Variants in INSL6 observed in about 807,000 individuals in gnomAD.
The protein encoded by INSL6 is insulin like 6.
A neutral mutation model predicts 9.4 loss-of-function variants in INSL6; 16 were observed. The observed-to-expected ratio is 1.70, with a 90% CI of 1.15 to 2.59. INSL6 has a LOEUF of 2.59. Among genes scored for constraint, INSL6 ranks in the 30% most tolerant of loss-of-function variants. INSL6 has a pLI of 0.00. For synonymous variants in INSL6, 154 were observed against 96.9 expected, an observed-to-expected ratio of 1.59 and a Z score of -3.46; for missense variants, 391 against 257.3, an observed-to-expected ratio of 1.52 and a Z score of -3.56.
the INSL6 span, chr9:5,054,938 A>G: frequency 7.6e-7 from 1 of 1,307,830 alleles, no homozygotes; most frequent in Non-Finnish European, 1.1e-6. This position sits in a 1 kb window ranked among gnomAD's most constrained non-coding sequence, Gnocchi z 4.9. Flanking sequence ...CAATGGAAAT[A>G]AAAACAAAGT....
chr9:5,126,322 G>A (rs779522337), intron 3 of INSL6: 2 of 1,553,726 alleles, frequency 1.3e-6, no homozygotes, highest in Non-Finnish European at 1.8e-6. Flanking sequence ...TTGAAAGTGG[G>A]TTTGTTTTAG....
At chr9:5,112,451 A>G in the INSL6 span, 5 of 534,958 alleles carry the variant, frequency 9.3e-6, no homozygotes, top group Admixed American at 2.8e-5. Flanking sequence ...GAGAAGAAGG[A>G]GCTGAAGGAC....
chr9:5,120,210 G>A (rs902850709), downstream of INSL6, among the ~76,000 whole-genome samples: 6 of 152,286 alleles, frequency 3.9e-5, no homozygotes, highest in South Asian at 4.1e-4. Context: ...GTGGAAGGGC[G>A]AGAGGGGCCA....
At chr9:5,083,861 G>C in the INSL6 span, among the ~76,000 whole-genome samples, 21 of 152,070 alleles carry the variant, frequency 1.4e-4, no homozygotes, top group Non-Finnish European at 1.8e-4. Context: ...CGTTCCATTT[G>C]TTGTAGTCTC....
intron 2 of INSL6, among the ~76,000 whole-genome samples, chr9:5,145,087 G>T (rs1824574686): frequency 1.3e-5 from 2 of 152,158 alleles, no homozygotes; most frequent in South Asian, 4.1e-4. Context: ...ATGTGTTTTT[G>T]TAGTGGTTGG....
intron 2 of INSL6, among the ~76,000 whole-genome samples, chr9:5,141,479 T>A (rs985669767): frequency 1.3e-4 from 20 of 152,234 alleles, no homozygotes; most frequent in Non-Finnish European, 5.9e-5. Context: ...TTTCATACGA[T>A]TGTTGGCCAC....
chr9:5,155,184 A>G (rs1824791030), intron 2 of INSL6, among the ~76,000 whole-genome samples: 1 of 151,968 alleles, frequency 6.6e-6, no homozygotes, highest in Admixed American at 6.6e-5. Flanking sequence ...AGGGACATGG[A>G]TGAAGCTGGA....
the INSL6 span, among the ~76,000 whole-genome samples, chr9:5,093,751 A>T: frequency 2.0e-5 from 3 of 152,264 alleles, no homozygotes; most frequent in Admixed American, 2.0e-4. Flanking sequence ...GTGCAATCCT[A>T]TTCTATCATA....
downstream of INSL6, among the ~76,000 whole-genome samples, chr9:5,162,365 C>G (rs148454265): frequency 5.8e-3 from 878 of 152,160 alleles, 9 homozygotes; most frequent in African/African-American, 0.02. Context: ...ATCTAACATA[C>G]AAATTATTAA....
At chr9:5,032,469 C>T in the INSL6 span, among the ~76,000 whole-genome samples, 1 of 152,184 alleles carries the variant, frequency 6.6e-6, no homozygotes, top group Admixed American at 6.5e-5. Context: ...CCCTGAACCC[C>T]GAGTAGCCTA....
At chr9:5,124,192 A>G (rs1823826645) in exon 4 of INSL6, among the ~76,000 whole-genome samples, 1 of 151,738 alleles carries the variant, frequency 6.6e-6, no homozygotes, top group Non-Finnish European at 1.5e-5. Flanking sequence ...TGATTTTGCT[A>G]TGCTGAAATT....
At chr9:5,137,333 A>G (rs2130884125) in intron 2 of INSL6, among the ~76,000 whole-genome samples, 1 of 152,316 alleles carries the variant, frequency 6.6e-6, no homozygotes, top group Admixed American at 6.5e-5. Context: ...AGCAAAAAGA[A>G]CAAAGCTGGA....
intron 2 of INSL6, among the ~76,000 whole-genome samples, chr9:5,152,555 T>C (rs1048288090): frequency 6.6e-6 from 1 of 152,152 alleles, no homozygotes; most frequent in Non-Finnish European, 1.5e-5. Flanking sequence ...GTGAAATTTA[T>C]AGCTTTAGAT....
chr9:5,078,554 T>C, the INSL6 span: 5 of 786,620 alleles, frequency 6.4e-6, no homozygotes, highest in East Asian at 1.0e-4. Context: ...ATGTTCCTGA[T>C]TAATAATAAA....
At chr9:5,075,798 G>C in the INSL6 span, among the ~76,000 whole-genome samples, 1 of 152,160 alleles carries the variant, frequency 6.6e-6, no homozygotes, top group African/African-American at 2.4e-5. Flanking sequence ...AATACATTTT[G>C]TAAGGCTAAG....
At chr9:5,108,149 C>T in the INSL6 span, 1 of 152,062 alleles carries the variant, frequency 6.6e-6, no homozygotes, top group Non-Finnish European at 1.5e-5. Flanking sequence ...CTTTTATAAT[C>T]CTAGCAAGCC....
At chr9:5,077,633 T>A in the INSL6 span, 164 of 1,142,358 alleles carry the variant, frequency 1.4e-4, no homozygotes, top group African/African-American at 1.7e-3. Flanking sequence ...TATAAAACAA[T>A]ATACAAATTA....
rs553463397 is a variant in INSL6, at chr9:5,171,866, T to C, written c.290-7601A>G. On this transcript the variant is annotated intron_variant, in intron 1 of 1. Coordinates refer to ENST00000381641, the MANE Select transcript of INSL6 (RefSeq NM_007179.3). ...ACACAAACAAAAAAAAATTCCATGT[T>C]CATGGATAGGAAGAATCAATATCGT... is the stretch of plus-strand genomic sequence containing the variant. 3.3e-5 allele frequency among the ~76,000 whole-genome samples: 5 copies of C among 152,340 alleles called. No homozygotes were observed. The South Asian group carries it at 1.0e-3, about 32-fold the overall frequency.
the INSL6 span, chr9:5,089,700 C>T: frequency 2.1e-6 from 3 of 1,460,746 alleles, no homozygotes; most frequent in Non-Finnish European, 2.7e-6. Flanking sequence ...TGGAGATGTG[C>T]CGGTATGACC....
Sources: gnomAD v4.1 joint callset for allele counts (sites outside exome capture counted in the v4.1 genomes callset) on GRCh38, gnomAD v4.1.1 for gene constraint, Gnocchi (gnomAD v3.1) non-coding constraint, MANE v1.5 for transcripts, NCBI Gene and HGNC (gene_info 2026-07-23, HGNC 2026-07-21) for gene names.